MCM10: variants seen among roughly 807,000 people sequenced by gnomAD.
MCM10 encodes the protein minichromosome maintenance 10 replication initiation factor.
A neutral mutation model predicts 109.9 loss-of-function variants in MCM10; 91 were observed. The observed-to-expected ratio is 0.83, with a 90% CI of 0.70 to 0.99. The LOEUF is 0.99. Among genes scored for constraint, MCM10 ranks in the 50% least tolerant of loss-of-function variants. The pLI is 0.00. For synonymous variants in MCM10, 380 were observed against 387.2 expected, an observed-to-expected ratio of 0.98 and a Z score of 0.22; for missense variants, 1,077 against 1,061.2, an observed-to-expected ratio of 1.01 and a Z score of -0.21.
Position 13,186,179 on chromosome 10 carries a change from G to T in MCM10, c.1114G>T (p.Asp372Tyr). ...TTTCTTACAGGTGTGTTTATCTATC[G>T]ATCATCCTCAGAAGGTCTTAATTAT... ...DGSEEVCLSI[D>Y]HPQKVLIMGE... Residue 372 changes from aspartate to tyrosine, a missense_variant, in exon 9 of 20, where the codon GAT becomes TAT. Asp to Tyr is a radical substitution (Grantham distance 160). Coordinates refer to ENST00000378714, the MANE Select transcript of MCM10 (RefSeq NM_018518.5). 2 of 1,609,500 alleles carry T rather than the reference G, an allele frequency of 1.2e-6. No individual in the cohort carries two copies. The highest frequency in any genetic ancestry group is 2.2e-5 in the South Asian group (2 of 90,816).
chr10:13,166,956 T>C (rs1253513465), intron 2 of MCM10, among the ~76,000 whole-genome samples: 1 of 151,642 alleles, frequency 6.6e-6, no homozygotes, highest in African/African-American at 2.4e-5. Flanking sequence ...CTGGGCAACA[T>C]GGCAAGACCC....
intron 17 of MCM10, 29 bp from the exon 18 acceptor site, chr10:13,204,190 C>A: frequency 1.2e-6 from 2 of 1,603,704 alleles, no homozygotes; most frequent in East Asian, 2.2e-5. Context: ...TCTTCACCGG[C>A]GGTGTGGGTT....
intron 2 of MCM10, 66 bp from the exon 3 acceptor site, chr10:13,170,856 T>A (rs1178620995): frequency 1.4e-6 from 2 of 1,426,184 alleles, no homozygotes; most frequent in African/African-American, 2.8e-5. Flanking sequence ...TCATTTAAAT[T>A]GCCTAAAGTT....
intron 8 of MCM10, among the ~76,000 whole-genome samples, chr10:13,184,929 T>C (rs1834255063): frequency 6.6e-6 from 1 of 152,198 alleles, no homozygotes; most frequent in Admixed American, 6.5e-5. Flanking sequence ...ATTTCTACTA[T>C]TTCCAGATCT....
At chr10:13,168,363 G>A (rs1418979634) in intron 2 of MCM10, among the ~76,000 whole-genome samples, 1 of 152,210 alleles carries the variant, frequency 6.6e-6, no homozygotes, top group Non-Finnish European at 1.5e-5. Context: ...TTTGGCTACT[G>A]GCTTTTTCCT....
intron 9 of MCM10, among the ~76,000 whole-genome samples, chr10:13,187,657 A>T (rs888980402): frequency 2.0e-5 from 3 of 152,178 alleles, no homozygotes; most frequent in Non-Finnish European, 4.4e-5. Flanking sequence ...CCATTGTAGT[A>T]GGTGTGAAGA....
chr10:13,188,900 A>T lies in MCM10; in HGVS notation c.1235A>T (p.Gln412Leu), dbSNP rs768062336. The T allele has an allele frequency of 1.9e-6, 3 of 1,614,046 alleles. No individual in the cohort carries two copies. Among genetic ancestry groups the T allele is most frequent in the Non-Finnish European group, 2.5e-6 (3 of 1,180,016 alleles). ...TVNLRDCEYC[Q>L]YHVQAQYKKL... ...TTGCAGCGTGACTGTGAGTACTGTC[A>T]GTACCATGTCCAGGCTCAGTACAAG... The change falls in exon 10 of 20, where the codon CAG (glutamine) becomes CTG (leucine). Residue 412 changes from glutamine to leucine, a missense_variant. Physicochemically the swap from Gln to Leu is moderately radical, Grantham distance 113 (BLOSUM62 -2). Transcript: ENST00000378714.
Position 13,183,043 on chromosome 10 carries a change from G to A in MCM10, c.1041G>A (p.Gly347=). 6.2e-7 allele frequency: 1 copy of A among 1,614,172 alleles called. No homozygotes were observed. Among genetic ancestry groups the A allele is most frequent in the Non-Finnish European group, 8.5e-7 (1 of 1,180,024 alleles). The part of the protein sequence containing the change: ...VHKALWKTEQ[G]TVVGILNANP... The stretch of plus-strand genomic sequence containing the variant: ...AAGCGCTCTGGAAGACGGAGCAGGG[G>A]ACTGTCGTAGGGATCCTCAATGCCA... Residue 347 remains glycine, a synonymous_variant, in exon 8 of 20, where the codon GGG becomes GGA. Coordinates refer to ENST00000378714, the MANE Select transcript of MCM10 (RefSeq NM_018518.5).
chr10:13,197,041 T>C (rs930739565), intron 14 of MCM10, among the ~76,000 whole-genome samples: 2 of 147,066 alleles, frequency 1.4e-5, no homozygotes, highest in Admixed American at 6.8e-5. Context: ...TCCTCCCATC[T>C]CAGTCCCCTG....
At chr10:13,177,947 G>A (rs1321597336) in intron 6 of MCM10, among the ~76,000 whole-genome samples, 3 of 151,988 alleles carry the variant, frequency 2.0e-5, no homozygotes, top group African/African-American at 2.4e-5. Context: ...CAGCAAGATT[G>A]TTTGGGAGAT....
At chr10:13,193,303 T>TAAAA (rs570095418) in intron 13 of MCM10, among the ~76,000 whole-genome samples, 1 of 144,626 alleles carries the variant, frequency 6.9e-6, no homozygotes, top group African/African-American at 2.5e-5. Flanking sequence ...AGCCAATAAT[T>TAAAA]AAAAAAAAAA....
At position 13,186,976 on chromosome 10, in the gene MCM10, A is replaced by G. The variant is rs571722954; in HGVS notation, c.1215+696A>G. On this transcript the variant is annotated intron_variant, in intron 9 of 19. Transcript: ENST00000378714. ...TATTATACTCCAGCCTGGGCGATAGAGTGAGATTCTGTCTCCAAAAAAGAA... is the reference window on the plus strand; with the variant it reads ...TATTATACTCCAGCCTGGGCGATAGGGTGAGATTCTGTCTCCAAAAAAGAA... Among the ~76,000 whole-genome samples, 25 of 152,364 alleles carry G rather than the reference A, an allele frequency of 1.6e-4. 1 individual carries two copies. The highest frequency in any genetic ancestry group is 5.1e-4 in the African/African-American group (21 of 41,582).
Position 13,171,052 on chromosome 10 carries a change from T to C in MCM10, c.138T>C (p.Phe46=), listed in dbSNP as rs369943574. ...AGCCCGACGCATTTGATGAGCTCTT[T>C]GATGCCGACGGCGACGGTGAATCTT... The part of the protein sequence containing the change: ...NGEPDAFDEL[F]DADGDGESYT... The change falls in exon 3 of 20, where the codon TTT becomes TTC. Residue 46 remains phenylalanine (F), a synonymous_variant. Coordinates refer to ENST00000378714, the MANE Select transcript of MCM10 (RefSeq NM_018518.5). 71 of 1,614,116 alleles carry C rather than the reference T, an allele frequency of 4.4e-5. No individual in the cohort carries two copies. The highest frequency in any genetic ancestry group is 5.6e-5 in the Non-Finnish European group (66 of 1,180,066).
intron 11 of MCM10, 44 bp from the exon 12 acceptor site, chr10:13,192,211 C>T (rs1564389456): frequency 7.5e-7 from 1 of 1,330,530 alleles, no homozygotes; most frequent in Non-Finnish European, 1.1e-6. Flanking sequence ...GACCTCAAAC[C>T]ATCTGAATGT....
chr10:13,185,123 G>A (rs1313649038), intron 8 of MCM10, among the ~76,000 whole-genome samples: 1 of 152,178 alleles, frequency 6.6e-6, no homozygotes, highest in Non-Finnish European at 1.5e-5. Flanking sequence ...TAGGATCTGG[G>A]TTGAGCCAGT....
chr10:13,183,892 C>G (rs1158530369), intron 8 of MCM10, among the ~76,000 whole-genome samples: 1 of 152,002 alleles, frequency 6.6e-6, no homozygotes, highest in African/African-American at 2.4e-5. Flanking sequence ...GAGTTTCGCT[C>G]TTGTTGCCTA....
chr10:13,166,259 C>T (rs1332968179), intron 2 of MCM10, among the ~76,000 whole-genome samples: 11 of 152,026 alleles, frequency 7.2e-5, no homozygotes, highest in Non-Finnish European at 1.2e-4. Context: ...GATACTTAGT[C>T]CCAGGAGGGA....
At chr10:13,208,594 G>C (rs960295239) in intron 18 of MCM10, among the ~76,000 whole-genome samples, 1 of 143,370 alleles carries the variant, frequency 7.0e-6, no homozygotes, top group Non-Finnish European at 1.5e-5. Context: ...GAAAAGAAAA[G>C]AAAGTGAGTA....
rs1834625886 is a variant in MCM10 at position 13,209,217 on chromosome 10, A to G, written c.2542-10A>G. 6.2e-7 allele frequency: 1 copy of G among 1,612,320 alleles called. No individual in the cohort carries two copies. Among genetic ancestry groups the G allele is most frequent in the Non-Finnish European group, 8.5e-7 (1 of 1,178,488 alleles). On this transcript the variant is annotated splice_polypyrimidine_tract_variant and intron_variant, in intron 19 of 19. Transcript: ENST00000378714. ...AACCATCTCCTATTAAAATATTTTC[A>G]TTTTTCTAGGAAAAGACTGGTCCAA...
Sources: allele counts gnomAD v4.1 joint callset (sites outside exome capture counted in the v4.1 genomes callset), GRCh38; gene constraint gnomAD v4.1.1; transcripts MANE v1.5; gene names NCBI Gene and HGNC (gene_info 2026-07-23, HGNC 2026-07-21).